The following IFRD1 variants were observed in gnomAD, a reference collection of about 807,000 sequenced individuals.
IFRD1 encodes interferon related developmental regulator 1.
IFRD1 carries 35 observed loss-of-function variants against 52.9 expected under a neutral mutation model. That is an observed-to-expected ratio of 0.66 (90% CI 0.51 to 0.88). IFRD1 has a LOEUF of 0.88. Among genes scored for constraint, IFRD1 ranks in the 40% least tolerant of loss-of-function variants. The probability of loss-of-function intolerance (pLI) is 0.00; values close to 1 mark genes in which losing one functional copy is unlikely to be tolerated. For synonymous variants in IFRD1, 184 were observed against 188.4 expected, an observed-to-expected ratio of 0.98 and a Z score of 0.19; for missense variants, 517 against 550.8, an observed-to-expected ratio of 0.94 and a Z score of 0.61.
intron 1 of IFRD1, among the ~76,000 whole-genome samples, chr7:112,441,142 G>A (rs1794875105): frequency 6.6e-6 from 1 of 152,074 alleles, no homozygotes; most frequent in South Asian, 2.1e-4. Flanking sequence ...GGCGTTCGTG[G>A]TGTGCGCCTG....
rs913025717 is a variant in IFRD1 at position 112,459,967 on chromosome 7, G to A, written c.567+949G>A. ...TTAGTAATTCTGAAATATTTAATTAGCTTTTGCTACTTAACTTTTTCTTTT... is the reference window on the plus strand; with the variant it reads ...TTAGTAATTCTGAAATATTTAATTAACTTTTGCTACTTAACTTTTTCTTTT... On this transcript the variant is annotated intron_variant, in intron 5 of 11. Transcript: ENST00000403825. 2.0e-5 allele frequency among the ~76,000 whole-genome samples: 3 copies of A among 152,158 alleles called. No homozygotes were observed. In the East Asian group the frequency reaches 5.8e-4, roughly 29 times the overall value.
chr7:112,451,332 C>T (rs1023554249), intron 1 of IFRD1, among the ~76,000 whole-genome samples: 5 of 152,220 alleles, frequency 3.3e-5, no homozygotes, highest in African/African-American at 1.2e-4. Context: ...GCAGGTCCAC[C>T]TGGCCAGGCG....
chr7:112,440,232 G>T (rs978302179), intron 1 of IFRD1, among the ~76,000 whole-genome samples: 1 of 152,154 alleles, frequency 6.6e-6, no homozygotes, highest in Admixed American at 6.5e-5. Context: ...TGATCTGTCT[G>T]CCTTGGCCTC....
chr7:112,467,477 G>A (rs960969596), intron 8 of IFRD1: 1 of 170,434 alleles, frequency 5.9e-6, no homozygotes, highest in African/African-American at 2.4e-5. Flanking sequence ...ATTAAAACTT[G>A]TTCTTACCTT....
chr7:112,452,292 C>T (rs4727771), intron 1 of IFRD1: 44,837 of 289,230 alleles, frequency 0.16, 3,761 homozygotes, highest in South Asian at 0.3. Context: ...CCTCCTGTAG[C>T]TAGGACTACA....
At chr7:112,424,601 G>A (rs112251106) in intron 1 of IFRD1, among the ~76,000 whole-genome samples, 11,007 of 151,860 alleles carry the variant, frequency 0.072, 944 homozygotes, top group African/African-American at 0.21. Context: ...TTTAGTAGAG[G>A]TGGGGGTTTC....
chr7:112,475,268 CTTTG>C (rs1795870963), intron 11 of IFRD1, among the ~76,000 whole-genome samples, 158 bp from the exon 12 acceptor site: 1 of 152,054 alleles, frequency 6.6e-6, no homozygotes. Context: ...CCTGTTAACT[CTTTG>C]TTTTTCTCCT....
chr7:112,475,517 T>C lies in IFRD1; in HGVS notation c.1354T>C (p.Ter452GlnextTer5), dbSNP rs1210999808. 3.8e-6 allele frequency: 6 copies of C among 1,581,206 alleles called. No individual in the cohort carries two copies. In the Admixed American group the frequency reaches 8.3e-5, roughly 22 times the overall value. The change falls in exon 12 of 12, where the codon TAG (stop) becomes CAG (glutamine). Residue 452 changes from the stop codon to glutamine (Q), a stop_lost. Coordinates refer to ENST00000403825, the MANE Select transcript of IFRD1 (RefSeq NM_001550.4). ...DKRADVGEFF[*>Q] ...GAGAGCAGATGTTGGAGAATTCTTC[T>C]AGATTTTCAGAACTTGAAGACTATT...
intron 1 of IFRD1, among the ~76,000 whole-genome samples, chr7:112,444,992 C>G (rs1253525094): frequency 6.6e-6 from 1 of 150,796 alleles, no homozygotes; most frequent in Non-Finnish European, 1.5e-5. Flanking sequence ...CTCCTAGGAA[C>G]AAGCACTCAG....
In IFRD1 at chr7:112,458,916, G is replaced by C. The variant is rs752085385; in HGVS notation, c.465G>C (p.Gln155His). The C allele has an allele frequency of 3.7e-6, 6 of 1,613,896 alleles. No homozygotes were observed. Among genetic ancestry groups the C allele is most frequent in the Admixed American group, 1.7e-5 (1 of 59,984 alleles). The change falls in exon 5 of 12, where the codon CAG becomes CAC. Residue 155 changes from glutamine (Q) to histidine (H), a missense_variant. Transcript: ENST00000403825. ...CGTTAGCATCTGTTCTTTGTATTCA[G>C]CTGGGCCCTGGAATTGAAAGTGAAG... is the stretch of plus-strand genomic sequence containing the variant. Reference protein sequence around the residue: ...AAALASVLCIQLGPGIESEEI... With the variant: ...AAALASVLCIHLGPGIESEEI...
rs577335668 is a variant in IFRD1, at chr7:112,428,060, G to A, written c.-182+4628G>A. ...CCTGGTAAAGAGAGTTTAGAAGGAG[G>A]AGGGATGAGGGAAAAGGGAGATAAT... is the stretch of plus-strand genomic sequence containing the variant. On this transcript the variant is annotated intron_variant, in intron 1 of 12. Coordinates refer to the IFRD1 transcript ENST00000005558. Among the ~76,000 whole-genome samples, 5 of 152,292 alleles carry A rather than the reference G, an allele frequency of 3.3e-5. No homozygotes were observed. In the South Asian group the frequency reaches 1.0e-3, roughly 32 times the overall value.
chr7:112,466,369 G>A (rs1394938595), intron 8 of IFRD1, among the ~76,000 whole-genome samples: 2 of 151,984 alleles, frequency 1.3e-5, no homozygotes, highest in African/African-American at 4.8e-5. Context: ...ACTTGATTGG[G>A]TTTTATCCAT....
At chr7:112,468,534 G>A (rs1021561210) in intron 9 of IFRD1, among the ~76,000 whole-genome samples, 5 of 152,090 alleles carry the variant, frequency 3.3e-5, no homozygotes, top group Admixed American at 6.6e-5. Context: ...GAGTCTCGCT[G>A]TGTTGCCCAG....
At chr7:112,440,465 A>G (rs184259739) in intron 1 of IFRD1, among the ~76,000 whole-genome samples, 481 of 152,370 alleles carry the variant, frequency 3.2e-3, no homozygotes, top group African/African-American at 0.011. Flanking sequence ...TTTAAATGTG[A>G]TAAGCCTGGT....
At chr7:112,443,252 C>T (rs186220889) in intron 1 of IFRD1, among the ~76,000 whole-genome samples, 12 of 152,022 alleles carry the variant, frequency 7.9e-5, no homozygotes, top group Non-Finnish European at 1.5e-4. Flanking sequence ...TGGTGGTTGG[C>T]CGTAAGATTA....
intron 1 of IFRD1, among the ~76,000 whole-genome samples, chr7:112,435,252 A>G (rs999883664): frequency 1.3e-5 from 2 of 152,214 alleles, no homozygotes; most frequent in Non-Finnish European, 2.9e-5. Flanking sequence ...ACAGAACCAG[A>G]GCATCTCTGA....
chr7:112,475,362 C>T, intron 11 of IFRD1, 68 bp from the exon 12 acceptor site: 1 of 858,690 alleles, frequency 1.2e-6, no homozygotes. Context: ...GTGACTTTTA[C>T]CCTTTTTCTG....
intron 4 of IFRD1, 115 bp downstream of exon 4, chr7:112,457,153 A>C: frequency 9.0e-7 from 1 of 1,111,472 alleles, no homozygotes; most frequent in Non-Finnish European, 1.4e-6. Flanking sequence ...AAATTTTCTA[A>C]TAGTCAAGGA....
intron 1 of IFRD1, among the ~76,000 whole-genome samples, chr7:112,431,099 T>A (rs953897976): frequency 6.6e-6 from 1 of 152,186 alleles, no homozygotes; most frequent in Non-Finnish European, 1.5e-5. Context: ...ACTACCAGTA[T>A]CCTGTGTATC....
Sources: gnomAD v4.1 joint callset for allele counts (sites outside exome capture counted in the v4.1 genomes callset) on GRCh38, gnomAD v4.1.1 for gene constraint, MANE v1.5 for transcripts, NCBI Gene and HGNC (gene_info 2026-07-23, HGNC 2026-07-21) for gene names.